WHRN: variants seen among roughly 807,000 people sequenced by gnomAD.
The protein encoded by WHRN is CASK-interacting protein CIP98.
In WHRN, 41 loss-of-function variants were observed where a neutral mutation model predicts 68.3. The ratio of observed to expected loss-of-function variants is 0.60; its 90% CI spans 0.47 to 0.78. The LOEUF (loss-of-function observed/expected upper bound fraction) is 0.78, where lower values mean the gene tolerates loss of function less well. WHRN is among the 30% of genes least tolerant of loss of function. WHRN has a pLI of 0.00. For synonymous variants in WHRN, 560 were observed against 561.3 expected, an observed-to-expected ratio of 1.00 and a Z score of 0.03; for missense variants, 1,243 against 1,244.7, an observed-to-expected ratio of 1.00 and a Z score of 0.02.
Position 114,504,180 on chromosome 9 carries a change from T to C in WHRN, c.618+4A>G. On this transcript the variant is annotated splice_donor_region_variant and intron_variant, in intron 1 of 11. Coordinates refer to ENST00000362057, the MANE Select transcript of WHRN (RefSeq NM_015404.4). ...CCCAGACTCTCTCCAAACCACAGCC[T>C]TACCTTGACGGCCTCCGCGTGGGTC... 1.2e-6 allele frequency: 2 copies of C among 1,614,054 alleles called. No homozygotes were observed. The highest frequency in any genetic ancestry group is 1.7e-6 in the Non-Finnish European group (2 of 1,180,028).
At position 114,404,443 on chromosome 9, in the gene WHRN, T is replaced by G. The variant is rs561095991; in HGVS notation, c.2237-366A>C. Among the ~76,000 whole-genome samples, 4 of 152,394 alleles carry G rather than the reference T, an allele frequency of 2.6e-5. No homozygotes were observed. The South Asian group carries it at 8.3e-4, about 32-fold the overall frequency. ...CTCACATAATGCTACCAATTTTTAA[T>G]GATGAACCAACACATTCAAATTAGA... On this transcript the variant is annotated intron_variant, in intron 9 of 11. Coordinates refer to ENST00000362057, the MANE Select transcript of WHRN (RefSeq NM_015404.4).
At chr9:114,424,250 G>T in intron 6 of WHRN, 84 bp downstream of exon 6, 1 of 1,513,646 alleles carries the variant, frequency 6.6e-7, no homozygotes, top group Non-Finnish European at 9.2e-7. Flanking sequence ...ACCCCTTGTA[G>T]GTTCTCAGCA....
At chr9:114,435,937 T>C (rs1191147367) in intron 3 of WHRN, among the ~76,000 whole-genome samples, 1 of 152,200 alleles carries the variant, frequency 6.6e-6, no homozygotes, top group Non-Finnish European at 1.5e-5. Context: ...AAATATCCCC[T>C]TTTCTTGGAA....
intron 3 of WHRN, among the ~76,000 whole-genome samples, chr9:114,460,228 G>A (rs914893008): frequency 3.3e-5 from 5 of 152,200 alleles, no homozygotes; most frequent in African/African-American, 7.2e-5. Context: ...AGGTGGCAGA[G>A]CAAAGCGTAT....
chr9:114,425,867 T>A (rs1470686738), intron 4 of WHRN: 6 of 385,028 alleles, frequency 1.6e-5, no homozygotes, highest in Non-Finnish European at 4.9e-6. Context: ...TCTCTCTCTT[T>A]CCCTCTCCCT....
At chr9:114,457,025 G>C (rs1839865018) in intron 3 of WHRN, among the ~76,000 whole-genome samples, 1 of 151,978 alleles carries the variant, frequency 6.6e-6, no homozygotes, top group African/African-American at 2.4e-5. Flanking sequence ...TTTACCAAAA[G>C]AAAAAAATAC....
intron 1 of WHRN, among the ~76,000 whole-genome samples, chr9:114,491,288 A>G (rs1589258108): frequency 6.6e-6 from 1 of 152,216 alleles, no homozygotes; most frequent in Admixed American, 6.5e-5. Context: ...TCAAGCTCAG[A>G]TGAAAAATCT....
intron 7 of WHRN, among the ~76,000 whole-genome samples, chr9:114,411,853 T>C (rs1458664443): frequency 6.6e-6 from 1 of 152,092 alleles, no homozygotes; most frequent in African/African-American, 2.4e-5. Flanking sequence ...CAGGTCTGGG[T>C]CACCCCAACG....
chr9:114,417,924 C>A (rs2132296910), intron 7 of WHRN, among the ~76,000 whole-genome samples: 1 of 152,310 alleles, frequency 6.6e-6, no homozygotes, highest in Admixed American at 6.5e-5. Context: ...TGGGGGTCTT[C>A]CGTGGTTGTA....
chr9:114,456,826 C>CAAAAA (rs58142457), intron 3 of WHRN, among the ~76,000 whole-genome samples: 1 of 141,254 alleles, frequency 7.1e-6, no homozygotes, highest in Non-Finnish European at 1.5e-5. Flanking sequence ...AAGACTATCT[C>CAAAAA]AAAAAAAAAA....
Position 114,404,089 on chromosome 9 carries a change from A to T in WHRN, c.2237-12T>A. ...GAGCGTAGAGGCTGCTGGAGAGGGGAAAAGGAAGAGAGAAGCAGCTTATAT... is the reference window on the plus strand; with the variant it reads ...GAGCGTAGAGGCTGCTGGAGAGGGGTAAAGGAAGAGAGAAGCAGCTTATAT... On this transcript the variant is annotated splice_polypyrimidine_tract_variant and intron_variant, in intron 9 of 11. Coordinates refer to ENST00000362057, the MANE Select transcript of WHRN (RefSeq NM_015404.4). 2 of 1,611,260 alleles carry T rather than the reference A, an allele frequency of 1.2e-6. No individual in the cohort carries two copies. The highest frequency in any genetic ancestry group is 1.7e-6 in the Non-Finnish European group (2 of 1,179,670).
intron 3 of WHRN, among the ~76,000 whole-genome samples, chr9:114,464,049 C>A (rs1840458626): frequency 6.6e-6 from 1 of 152,206 alleles, no homozygotes; most frequent in Admixed American, 6.5e-5. Context: ...TTATTACACA[C>A]TGCATGCCTG....
intron 1 of WHRN, among the ~76,000 whole-genome samples, chr9:114,499,678 G>C (rs964324992): frequency 1.1e-4 from 16 of 152,244 alleles, no homozygotes; most frequent in African/African-American, 3.1e-4. Flanking sequence ...TCAGGCACAT[G>C]AGCGAGGGGC....
chr9:114,460,720 C>A (rs1010685527), intron 3 of WHRN, among the ~76,000 whole-genome samples: 1 of 152,230 alleles, frequency 6.6e-6, no homozygotes, highest in African/African-American at 2.4e-5. Context: ...TGACATCCCC[C>A]GCCCCAGACT....
intron 3 of WHRN, among the ~76,000 whole-genome samples, chr9:114,427,040 G>A (rs1295454574): frequency 6.6e-6 from 1 of 152,174 alleles, no homozygotes; most frequent in Non-Finnish European, 1.5e-5. Context: ...TAAGGTGGGA[G>A]GACTACTTAA....
intron 5 of WHRN, among the ~76,000 whole-genome samples, chr9:114,424,771 C>T (rs953907883): frequency 6.6e-6 from 1 of 152,142 alleles, no homozygotes; most frequent in Non-Finnish European, 1.5e-5. Flanking sequence ...AGGGCAGGGA[C>T]CTGGTCTGCT....
Position 114,426,539 on chromosome 9 carries a change from G to C in WHRN, c.964-126C>G, listed in dbSNP as rs143334366. 177 of 1,082,128 alleles carry C rather than the reference G, an allele frequency of 1.6e-4. No homozygotes were observed. The African/African-American group carries it at 2.4e-3, about 15-fold the overall frequency. The allele number at this position is 1,082,128 out of a possible 1,614,324, so 67.0% of individuals were successfully genotyped here. On this transcript the variant is annotated intron_variant, in intron 3 of 11. Coordinates refer to ENST00000362057, the MANE Select transcript of WHRN (RefSeq NM_015404.4). ...CAAGGAGGTCATCCAGGATCAGAGA[G>C]GATGTGAGGATGCCTGAGGGTCACA...
chr9:114,456,506 C>T (rs10739416), intron 3 of WHRN, among the ~76,000 whole-genome samples: 113,125 of 151,760 alleles, frequency 0.75, 42,343 homozygotes, highest in East Asian at 0.96. Flanking sequence ...TGTACTTCAG[C>T]TGGGAATTTT....
chr9:114,504,110 G>T, intron 1 of WHRN, 74 bp downstream of exon 1: 1 of 1,604,374 alleles, frequency 6.2e-7, no homozygotes, highest in Non-Finnish European at 8.5e-7. Flanking sequence ...AGGACACACA[G>T]CATGGAGTTA....
Sources: allele counts gnomAD v4.1 joint callset (sites outside exome capture counted in the v4.1 genomes callset), GRCh38; gene constraint gnomAD v4.1.1; transcripts MANE v1.5; gene names NCBI Gene and HGNC (gene_info 2026-07-23, HGNC 2026-07-21).